The following TNR variants were observed in gnomAD, a reference collection of about 807,000 sequenced individuals.
TNR encodes tenascin-R.
Under a neutral mutation model 150.4 loss-of-function variants are expected in TNR, and 45 were observed. The observed-to-expected ratio is 0.30, with a 90% CI of 0.24 to 0.38. TNR has a LOEUF of 0.38. TNR is among the 10% of genes least tolerant of loss of function. The pLI, the probability that TNR is intolerant of heterozygous loss-of-function variation, is 1.00. For missense variants in TNR, 1,544 were observed against 1,759.1 expected, an observed-to-expected ratio of 0.88 and a Z score of 2.19; for synonymous variants, 687 against 678.4, an observed-to-expected ratio of 1.01 and a Z score of -0.20.
chr1:175,589,075 T>C (rs550103228), intron 1 of TNR, among the ~76,000 whole-genome samples: 1 of 152,204 alleles, frequency 6.6e-6, no homozygotes, highest in South Asian at 2.1e-4. Context: ...TTAGTCAGTG[T>C]CCACAGTAAT....
At chr1:175,491,396 T>A (rs1044068691) in intron 2 of TNR, among the ~76,000 whole-genome samples, 1 of 152,074 alleles carries the variant, frequency 6.6e-6, no homozygotes, top group Non-Finnish European at 1.5e-5. Context: ...AAGAAAAAAA[T>A]AAATTCAAAT....
intron 1 of TNR, among the ~76,000 whole-genome samples, chr1:175,570,462 T>C (rs1192229905): frequency 6.6e-6 from 1 of 152,150 alleles, no homozygotes; most frequent in Non-Finnish European, 1.5e-5. Context: ...TAGACATGAA[T>C]GATATGACAT....
chr1:175,436,431 G>A (rs922717682), intron 2 of TNR, among the ~76,000 whole-genome samples: 3 of 151,838 alleles, frequency 2.0e-5, no homozygotes, highest in Non-Finnish European at 4.4e-5. Flanking sequence ...TAATCGAATC[G>A]GCTACTGAGG....
Position 175,545,588 on chromosome 1 carries a change from T to A in TNR, c.-164-17219A>T, listed in dbSNP as rs954344589. Among the ~76,000 whole-genome samples the A allele has an allele frequency of 7.2e-5, 11 of 152,278 alleles. No homozygotes were observed. In the South Asian group the frequency reaches 8.3e-4, roughly 11 times the overall value. Reference sequence around the variant, plus strand: ...TCTGATTCCCTCTTAATATTAAAAATAATGATAGCAAACACATAGTGCTCA... The same window carrying A: ...TCTGATTCCCTCTTAATATTAAAAAAAATGATAGCAAACACATAGTGCTCA... On this transcript the variant is annotated intron_variant, in intron 1 of 22. Transcript: ENST00000367674.
chr1:175,471,119 C>T (rs559080378), intron 2 of TNR, among the ~76,000 whole-genome samples: 18 of 152,232 alleles, frequency 1.2e-4, no homozygotes, highest in South Asian at 6.2e-4. Flanking sequence ...ATAAATACAC[C>T]GCAATTAGTA....
intron 1 of TNR, among the ~76,000 whole-genome samples, chr1:175,710,906 G>A (rs1448693583): frequency 2.0e-5 from 3 of 152,032 alleles, no homozygotes; most frequent in South Asian, 4.1e-4. Context: ...CCATACGATG[G>A]GCTAGCTGAC....
chr1:175,378,340 T>C (rs998285455), intron 9 of TNR, among the ~76,000 whole-genome samples: 3 of 151,520 alleles, frequency 2.0e-5, no homozygotes, highest in Non-Finnish European at 4.4e-5. Context: ...ATTCAGGAAA[T>C]GGTGAACCCT....
At chr1:175,593,099 C>G (rs1662864272) in intron 1 of TNR, among the ~76,000 whole-genome samples, 1 of 152,114 alleles carries the variant, frequency 6.6e-6, no homozygotes, top group Admixed American at 6.5e-5. Flanking sequence ...CAAAGAGAAT[C>G]AATAGTGGCA....
chr1:175,619,577 G>C (rs1009944801), intron 1 of TNR, among the ~76,000 whole-genome samples: 2 of 152,166 alleles, frequency 1.3e-5, no homozygotes, highest in African/African-American at 4.8e-5. Context: ...CCTGAAAAAA[G>C]AGTAAACCAA....
chr1:175,688,231 C>G (rs1029127487), intron 1 of TNR, among the ~76,000 whole-genome samples: 1 of 152,200 alleles, frequency 6.6e-6, no homozygotes, highest in Non-Finnish European at 1.5e-5. Context: ...GAGCCCCAGT[C>G]CCACGGGGGT....
At chr1:175,717,204 G>A (rs971097934) in intron 1 of TNR, among the ~76,000 whole-genome samples, 1 of 152,084 alleles carries the variant, frequency 6.6e-6, no homozygotes, top group Non-Finnish European at 1.5e-5. Flanking sequence ...GTGAGACTTT[G>A]GATATGTTTT....
At chr1:175,604,144 A>G (rs534750968) in intron 1 of TNR, among the ~76,000 whole-genome samples, 5 of 152,096 alleles carry the variant, frequency 3.3e-5, no homozygotes, top group African/African-American at 1.2e-4. Context: ...CCCCTCTTCT[A>G]ATGAATTCTT....
chr1:175,675,301 A>G (rs1571740175), intron 1 of TNR, among the ~76,000 whole-genome samples: 1 of 152,166 alleles, frequency 6.6e-6, no homozygotes, highest in East Asian at 1.9e-4. Context: ...TCGTTACTGA[A>G]CCTGCCTCAC....
intron 1 of TNR, among the ~76,000 whole-genome samples, chr1:175,541,602 G>T (rs1182598784): frequency 6.6e-6 from 1 of 152,120 alleles, no homozygotes; most frequent in Admixed American, 6.5e-5. Context: ...ATGAGTTTGT[G>T]CAGAGAACCA....
intron 3 of TNR, among the ~76,000 whole-genome samples, chr1:175,405,595 G>A (rs1184005577): frequency 6.9e-6 from 1 of 144,060 alleles, no homozygotes; most frequent in East Asian, 2.1e-4. Context: ...GCATGCGTGA[G>A]AGAGAGAGTA....
chr1:175,582,933 C>A (rs922645679), intron 1 of TNR, among the ~76,000 whole-genome samples: 1 of 152,020 alleles, frequency 6.6e-6, no homozygotes, highest in Non-Finnish European at 1.5e-5. Flanking sequence ...GCCCTTCTGC[C>A]ATTTCTGTGC....
chr1:175,359,836 T>C, intron 14 of TNR, 105 bp from the exon 15 acceptor site: 1 of 1,387,780 alleles, frequency 7.2e-7, no homozygotes, highest in Non-Finnish European at 9.6e-7. Flanking sequence ...GCTGCTGCAC[T>C]CTACAAAACA....
At chr1:175,537,250 CA>C (rs1229307045) in intron 1 of TNR, among the ~76,000 whole-genome samples, 2 of 152,116 alleles carry the variant, frequency 1.3e-5, no homozygotes, top group Non-Finnish European at 2.9e-5. Context: ...GTGAAAGAGC[CA>C]AAAATGAGGC....
At chr1:175,364,533 A>C (rs1651747857) in intron 12 of TNR, among the ~76,000 whole-genome samples, 1 of 152,164 alleles carries the variant, frequency 6.6e-6, no homozygotes, top group African/African-American at 2.4e-5. Context: ...GTGTTTTCTA[A>C]GCAACATCCA....
Sources: allele counts gnomAD v4.1 joint callset (sites outside exome capture counted in the v4.1 genomes callset), GRCh38; gene constraint gnomAD v4.1.1; transcripts MANE v1.5; gene names NCBI Gene and HGNC (gene_info 2026-07-23, HGNC 2026-07-21).